B3GALT1: variants seen among roughly 807,000 people sequenced by gnomAD.
B3GALT1 encodes the protein beta-1,3-galactosyltransferase 1.
Under a neutral mutation model 23.2 loss-of-function variants are expected in B3GALT1, and 10 were observed. That is an observed-to-expected ratio of 0.43 (90% CI 0.27 to 0.73). The LOEUF (loss-of-function observed/expected upper bound fraction) is 0.73. B3GALT1 is among the 30% of genes least tolerant of loss of function. The pLI is 0.21. For missense variants in B3GALT1, 299 were observed against 405.4 expected (o/e 0.74, Z 2.25); for synonymous variants, 156 against 141.5 (o/e 1.10, Z -0.73).
intron 1 of B3GALT1, among the ~76,000 whole-genome samples, chr2:167,308,332 T>C (rs1318235683): frequency 3.3e-5 from 5 of 151,992 alleles, no homozygotes; most frequent in Non-Finnish European, 7.4e-5. Flanking sequence ...ATGGTATCTA[T>C]TACTAGAAAG....
intron 3 of B3GALT1, among the ~76,000 whole-genome samples, chr2:167,663,871 A>G (rs1686119987): frequency 6.6e-6 from 1 of 152,194 alleles, no homozygotes; most frequent in Non-Finnish European, 1.5e-5. Flanking sequence ...GCCCTTTGTC[A>G]GATGAGTAGG....
At position 167,563,985 on chromosome 2, in the gene B3GALT1, C is replaced by T. The variant is rs531871846; in HGVS notation, c.-410+73708C>T. On this transcript the variant is annotated intron_variant, in intron 2 of 4. Coordinates refer to ENST00000392690, the MANE Select transcript of B3GALT1 (RefSeq NM_020981.4). ...CCCACCTCCCTTCCGGACGGGGCAG[C>T]CGGCCGGACGGGGGGCCGACCCTCC... is the stretch of plus-strand genomic sequence containing the variant. Among the ~76,000 whole-genome samples, 1,239 of 142,574 alleles carry T rather than the reference C, an allele frequency of 8.7e-3. 16 individuals are homozygous for T. The highest frequency in any genetic ancestry group is 0.041 in the East Asian group (175 of 4,240). 93.5% of individuals were successfully genotyped at this position (142,574 alleles called of 152,430 possible).
At chr2:167,689,770 C>A (rs1686680672) in intron 3 of B3GALT1, among the ~76,000 whole-genome samples, 1 of 152,048 alleles carries the variant, frequency 6.6e-6, no homozygotes, top group Admixed American at 6.6e-5. Flanking sequence ...GGGGATGAGA[C>A]ATGGTCTATT....
At chr2:167,382,151 A>G (rs1025815128) in intron 1 of B3GALT1, among the ~76,000 whole-genome samples, 1 of 152,130 alleles carries the variant, frequency 6.6e-6, no homozygotes, top group African/African-American at 2.4e-5. Flanking sequence ...TCACTTCTTA[A>G]TCTCATTTAT....
intron 1 of B3GALT1, among the ~76,000 whole-genome samples, chr2:167,366,544 C>A (rs1443720862): frequency 6.6e-6 from 1 of 152,088 alleles, no homozygotes; most frequent in Admixed American, 6.5e-5. Context: ...AACATGATAA[C>A]CATGAGTCAT....
chr2:167,430,795 A>G (rs765261528), intron 1 of B3GALT1, among the ~76,000 whole-genome samples: 19 of 152,164 alleles, frequency 1.2e-4, no homozygotes, highest in Non-Finnish European at 2.5e-4. Context: ...TATTATCAGT[A>G]GTAGTGCTAT....
intron 3 of B3GALT1, among the ~76,000 whole-genome samples, chr2:167,744,825 T>C (rs1395818233): frequency 3.3e-5 from 5 of 152,122 alleles, no homozygotes; most frequent in African/African-American, 1.2e-4. Flanking sequence ...CCTGACCTCG[T>C]GATCCGCCTG....
Position 167,577,658 on chromosome 2 carries a change from C to T in B3GALT1, c.-409-69251C>T, listed in dbSNP as rs573882764. ...CTGACTCACTGTACTTCTTTAAGCTCGATCATATTTCTGATTTGTATGTAA... is the reference window on the plus strand; with the variant it reads ...CTGACTCACTGTACTTCTTTAAGCTTGATCATATTTCTGATTTGTATGTAA... On this transcript the variant is annotated intron_variant, in intron 2 of 4. Transcript: ENST00000392690. 5.3e-5 allele frequency among the ~76,000 whole-genome samples: 8 copies of T among 151,748 alleles called. No homozygotes were observed. In the East Asian group the frequency reaches 1.4e-3, roughly 26 times the overall value.
At chr2:167,546,232 T>A (rs1051175567) in intron 2 of B3GALT1, among the ~76,000 whole-genome samples, 1 of 152,180 alleles carries the variant, frequency 6.6e-6, no homozygotes, top group African/African-American at 2.4e-5. Context: ...GAATCCTGGA[T>A]GGTATTGCCC....
intron 1 of B3GALT1, among the ~76,000 whole-genome samples, chr2:167,338,454 G>C (rs1295824717): frequency 7.3e-6 from 1 of 137,922 alleles, no homozygotes; most frequent in Non-Finnish European, 1.6e-5. Context: ...CAGATACATG[G>C]TCAGAGAACA....
intron 3 of B3GALT1, among the ~76,000 whole-genome samples, chr2:167,674,116 G>C (rs1350612093): frequency 2.6e-5 from 4 of 152,048 alleles, no homozygotes; most frequent in Non-Finnish European, 5.9e-5. Flanking sequence ...AGAATTTAGT[G>C]TATATTAAAT....
Position 167,561,725 on chromosome 2 carries a change from T to C in B3GALT1, c.-410+71448T>C, listed in dbSNP as rs186363613. 1.8e-4 allele frequency among the ~76,000 whole-genome samples: 27 copies of C among 152,292 alleles called. No individual in the cohort carries two copies. In the East Asian group the frequency reaches 3.7e-3, roughly 21 times the overall value. On this transcript the variant is annotated intron_variant, in intron 2 of 4. Transcript: ENST00000392690. ...ATCTAGAAGAAATGGATAAATTCCT[T>C]GACACATACACTCTCCCAAGACTAA...
At chr2:167,701,702 T>C (rs758730333) in intron 3 of B3GALT1, among the ~76,000 whole-genome samples, 15 of 152,246 alleles carry the variant, frequency 9.9e-5, no homozygotes, top group Non-Finnish European at 1.9e-4. Context: ...TCAGTGGTTC[T>C]GCATAATTGC....
At chr2:167,372,745 G>T (rs1195330749) in intron 1 of B3GALT1, among the ~76,000 whole-genome samples, 1 of 151,770 alleles carries the variant, frequency 6.6e-6, no homozygotes, top group African/African-American at 2.4e-5. Flanking sequence ...CAAAGCAAAA[G>T]AAATCTAGAA....
intron 3 of B3GALT1, among the ~76,000 whole-genome samples, chr2:167,700,958 C>G (rs1286854833): frequency 6.6e-6 from 1 of 152,308 alleles, no homozygotes; most frequent in East Asian, 1.9e-4. Context: ...AACCAAGATC[C>G]TAACACCTGC....
intron 1 of B3GALT1, among the ~76,000 whole-genome samples, chr2:167,443,254 A>G (rs1426293606): frequency 1.3e-5 from 2 of 152,124 alleles, no homozygotes; most frequent in African/African-American, 4.8e-5. Context: ...TGGTACCAGT[A>G]CCATGCTATT....
intron 2 of B3GALT1, among the ~76,000 whole-genome samples, chr2:167,596,947 C>A (rs1471391339): frequency 6.6e-6 from 1 of 152,084 alleles, no homozygotes; most frequent in African/African-American, 2.4e-5. Flanking sequence ...TTATCTAAAT[C>A]CCTTATGTTA....
At chr2:167,525,783 T>TA (rs1683209502) in intron 2 of B3GALT1, among the ~76,000 whole-genome samples, 7 of 151,564 alleles carry the variant, frequency 4.6e-5, no homozygotes, top group Admixed American at 1.3e-4. Flanking sequence ...AATTTTTTTT[T>TA]TTTTTTATTT....
chr2:167,438,881 G>A (rs1205774930), intron 1 of B3GALT1, among the ~76,000 whole-genome samples: 3 of 152,180 alleles, frequency 2.0e-5, no homozygotes, highest in Non-Finnish European at 4.4e-5. Flanking sequence ...TTCAGGTGTA[G>A]TCAGAAGAGA....
Sources: gnomAD v4.1 joint callset for allele counts (sites outside exome capture counted in the v4.1 genomes callset) on GRCh38, gnomAD v4.1.1 for gene constraint, MANE v1.5 for transcripts, NCBI Gene and HGNC (gene_info 2026-07-23, HGNC 2026-07-21) for gene names.